ZAP70: variants seen among roughly 807,000 people sequenced by gnomAD.
The protein encoded by ZAP70 is tyrosine-protein kinase ZAP-70.
ZAP70 carries 27 observed loss-of-function variants against 65.8 expected under a neutral mutation model. The observed-to-expected ratio is 0.41, with a 90% CI of 0.30 to 0.57. ZAP70 has a LOEUF of 0.57. Ranked by LOEUF, ZAP70 falls within the 20% of genes least tolerant of loss-of-function variation. The pLI, the probability that ZAP70 is intolerant of heterozygous loss-of-function variation, is 0.28. For missense variants in ZAP70, 696 were observed against 870.5 expected (o/e 0.80, Z 2.52); for synonymous variants, 363 against 360.8 (o/e 1.01, Z -0.07).
the ZAP70 span, among the ~76,000 whole-genome samples, chr2:97,751,525 T>A: frequency 3.3e-5 from 5 of 152,178 alleles, no homozygotes; most frequent in African/African-American, 1.2e-4. Context: ...TTTAAAAAAA[T>A]TCCATTAGTT....
chr2:97,734,590 C>CTCTCA lies in ZAP70; in HGVS notation c.960_961insTCTCA (p.Asp321SerfsTer14). On this transcript the variant is annotated frameshift_variant, in exon 9 of 14. Transcript: ENST00000264972. LOFTEE classifies it high-confidence loss of function. Reference sequence around the variant, plus strand: ...CGAGCGTGTATGAGAGCCCCTACAGCGACCCAGAGGAGCTCAAGGACAAGA... The same window carrying CTCTCA: ...CGAGCGTGTATGAGAGCCCCTACAGCTCTCAGACCCAGAGGAGCTCAAGGACAAGA... 1 of 1,614,186 alleles carries CTCTCA rather than the reference C, an allele frequency of 6.2e-7. No individual in the cohort carries two copies. Among genetic ancestry groups the CTCTCA allele is most frequent in the Non-Finnish European group, 8.5e-7 (1 of 1,180,028 alleles).
chr2:97,749,697 A>G, the ZAP70 span, among the ~76,000 whole-genome samples: 7 of 152,202 alleles, frequency 4.6e-5, no homozygotes, highest in East Asian at 5.8e-4. Context: ...CTGCTGCAAA[A>G]TATCTGGCTG....
intron 13 of ZAP70, 177 bp downstream of exon 13, chr2:97,738,284 T>G (rs1677995116): frequency 2.9e-6 from 2 of 680,746 alleles, no homozygotes; most frequent in South Asian, 3.5e-5. Flanking sequence ...ACACCAGGGT[T>G]TGCTGTCCTG....
At chr2:97,746,905 G>A in the ZAP70 span, among the ~76,000 whole-genome samples, 2 of 152,074 alleles carry the variant, frequency 1.3e-5, no homozygotes, top group Non-Finnish European at 2.9e-5. Context: ...AGTAAAAAAT[G>A]GACAAAGGAT....
rs771940938 is a variant in ZAP70, at chr2:97,737,749, C to T, written c.1483-8C>T. 1.2e-6 allele frequency: 2 copies of T among 1,614,136 alleles called. No homozygotes were observed. Among genetic ancestry groups the T allele is most frequent in the Non-Finnish European group, 1.7e-6 (2 of 1,179,994 alleles). On this transcript the variant is annotated splice_region_variant and splice_polypyrimidine_tract_variant and intron_variant, in intron 11 of 13. Transcript: ENST00000264972. This position sits in a 1 kb window ranked among gnomAD's most constrained non-coding sequence, Gnocchi z 5.0. ...ACCCCTGATCCAGCAGCATCTCCCC[C>T]TCCCCAGGCCCGCTCAGCAGGGAAG...
intron 2 of ZAP70, among the ~76,000 whole-genome samples, chr2:97,722,607 C>G (rs1677205635): frequency 6.6e-6 from 1 of 151,112 alleles, no homozygotes. Context: ...AACAGAAACT[C>G]ACAAAAAAAC....
At position 97,737,407 on chromosome 2, in the gene ZAP70, C is replaced by T; in HGVS notation, c.1290-66C>T. On this transcript the variant is annotated intron_variant, in intron 10 of 13. Coordinates refer to ENST00000264972, the MANE Select transcript of ZAP70 (RefSeq NM_001079.4). The surrounding 1 kb of genome is among the most constrained non-coding windows in gnomAD (Gnocchi z 5.0). ...CTCATGCCCAGCTGGGTCAGAGAAG[C>T]ATGCTTTGCCCCTGGGAACTTGGCT... The T allele has an allele frequency of 6.4e-7, 1 of 1,565,050 alleles. No individual in the cohort carries two copies. The highest frequency in any genetic ancestry group is 1.4e-5 in the African/African-American group (1 of 74,054).
chr2:97,745,804 T>A, the ZAP70 span, among the ~76,000 whole-genome samples: 2 of 152,232 alleles, frequency 1.3e-5, no homozygotes, highest in South Asian at 4.1e-4. Flanking sequence ...AGTTCACTTT[T>A]AAGTATACAC....
At chr2:97,755,878 CTG>C in the ZAP70 span, among the ~76,000 whole-genome samples, 4 of 152,190 alleles carry the variant, frequency 2.6e-5, no homozygotes, top group East Asian at 1.9e-4. Flanking sequence ...AGAATGGTGA[CTG>C]TGACCAGAAG....
chr2:97,727,610 G>A (rs560304039), intron 4 of ZAP70, among the ~76,000 whole-genome samples: 5 of 152,312 alleles, frequency 3.3e-5, no homozygotes, highest in South Asian at 2.1e-4. Flanking sequence ...CTGGACACGC[G>A]AAGAAGGCTC....
At chr2:97,734,449 T>TG (rs1053362907) in intron 8 of ZAP70, 71 bp from the exon 9 acceptor site, 362 of 1,521,182 alleles carry the variant, frequency 2.4e-4, no homozygotes, top group Non-Finnish European at 3.1e-4. Context: ...CAGGTGCTTG[T>TG]GGGGGCTGAG....
chr2:97,724,322 T>G lies in ZAP70; in HGVS notation c.286T>G (p.Cys96Gly). ...FYSRDPDGLP[C>G]NLRKPCNRPS... ...CTCGCGCGACCCCGACGGGCTGCCC[T>G]GCAACCTGCGCAAGCCGTGCAACCG... is the stretch of plus-strand genomic sequence containing the variant. Residue 96 changes from cysteine to glycine, a missense_variant, in exon 3 of 14, where the codon TGC (cysteine) becomes GGC (glycine). Coordinates refer to ENST00000264972, the MANE Select transcript of ZAP70 (RefSeq NM_001079.4). 1 of 1,582,720 alleles carries G rather than the reference T, an allele frequency of 6.3e-7. No individual in the cohort carries two copies. Among genetic ancestry groups the G allele is most frequent in the Non-Finnish European group, 8.6e-7 (1 of 1,165,240 alleles).
intron 9 of ZAP70, 36 bp downstream of exon 9, chr2:97,734,748 C>G (rs1185625330): frequency 6.2e-7 from 1 of 1,610,276 alleles, no homozygotes; most frequent in Non-Finnish European, 8.5e-7. Flanking sequence ...AGCACCGCCG[C>G]CTGGGGCAGA....
At chr2:97,738,793 CAT>C (rs1468151080) in intron 13 of ZAP70, among the ~76,000 whole-genome samples, 2 of 152,036 alleles carry the variant, frequency 1.3e-5, no homozygotes, top group East Asian at 1.9e-4. Context: ...CCTCCTGCGA[CAT>C]GTGTTAATTC....
chr2:97,739,587 G>C lies in ZAP70; in HGVS notation c.*89G>C. 6.6e-7 allele frequency: 1 copy of C among 1,525,938 alleles called. No homozygotes were observed. The highest frequency in any genetic ancestry group is 8.8e-7 in the Non-Finnish European group (1 of 1,131,828). The allele number at this position is 1,525,938 out of a possible 1,614,324, so 94.5% of individuals were successfully genotyped here. A position where few individuals can be genotyped will look rare whatever the true frequency, so the allele number is the denominator to read the frequency against. ...CCTGCAGTCTGGCTGAGCCCTGCTTGGTTGTCTCCACACACAGCTGGGCTG... is the reference window on the plus strand; with the variant it reads ...CCTGCAGTCTGGCTGAGCCCTGCTTCGTTGTCTCCACACACAGCTGGGCTG... On this transcript the variant is annotated 3_prime_UTR_variant, in exon 14 of 14. Coordinates refer to ENST00000264972, the MANE Select transcript of ZAP70 (RefSeq NM_001079.4).
At chr2:97,726,392 C>T (rs1438026511) in intron 4 of ZAP70, among the ~76,000 whole-genome samples, 1 of 152,230 alleles carries the variant, frequency 6.6e-6, no homozygotes, top group Non-Finnish European at 1.5e-5. Flanking sequence ...TTGGTGCTGC[C>T]TCTTTCCCAT....
chr2:97,752,597 A>G, the ZAP70 span, among the ~76,000 whole-genome samples: 16 of 152,374 alleles, frequency 1.1e-4, no homozygotes, highest in East Asian at 5.8e-4. Context: ...AAACACTGCC[A>G]TTAGGATCTG....
chr2:97,743,049 TG>T, downstream of ZAP70, among the ~76,000 whole-genome samples: 1 of 152,322 alleles, frequency 6.6e-6, no homozygotes, highest in African/African-American at 2.4e-5. Flanking sequence ...AGGAAGGGGC[TG>T]TGGTGTTCAG....
At position 97,715,355 on chromosome 2, in the gene ZAP70, A is replaced by T. The variant is rs1676865705; in HGVS notation, c.-22+1361A>T. Among the ~76,000 whole-genome samples the T allele has an allele frequency of 1.3e-5, 2 of 152,218 alleles. No homozygotes were observed. The highest frequency in any genetic ancestry group is 4.1e-4 in the South Asian group (2 of 4,834). On this transcript the variant is annotated intron_variant, in intron 2 of 13. Coordinates refer to ENST00000264972, the MANE Select transcript of ZAP70 (RefSeq NM_001079.4). This position sits in a 1 kb window ranked among gnomAD's most constrained non-coding sequence, Gnocchi z 4.1. ...ATCCTGTGAACAGCCTACAAGGCCC[A>T]GGACAGTCCCACCCTGTTCCATTGT...
Sources: allele counts gnomAD v4.1 joint callset (sites outside exome capture counted in the v4.1 genomes callset), GRCh38; gene constraint gnomAD v4.1.1; non-coding constraint Gnocchi (gnomAD v3.1); transcripts MANE v1.5; gene names NCBI Gene and HGNC (gene_info 2026-07-23, HGNC 2026-07-21).